The following SLCO2B1 variants were observed in gnomAD, a reference collection of about 807,000 sequenced individuals.
SLCO2B1 encodes OATP-RP2.
A neutral mutation model predicts 67.3 loss-of-function variants in SLCO2B1; 41 were observed. That is an observed-to-expected ratio of 0.61 (90% CI 0.47 to 0.79). SLCO2B1 has a LOEUF of 0.79. SLCO2B1 is among the 30% of genes least tolerant of loss of function. The pLI is 0.00. For missense variants in SLCO2B1, 837 were observed against 920.1 expected, an observed-to-expected ratio of 0.91 and a Z score of 1.17; for synonymous variants, 379 against 381.4, an observed-to-expected ratio of 0.99 and a Z score of 0.07.
intron 9 of SLCO2B1, chr11:75,196,306 G>C (rs538626532): frequency 3.5e-6 from 2 of 570,978 alleles, no homozygotes; most frequent in Non-Finnish European, 6.2e-6. Flanking sequence ...AAGGCTTGTA[G>C]GATTGAGGGG....
At chr11:75,203,145 G>C in intron 12 of SLCO2B1, 162 bp from the exon 13 acceptor site, 1 of 1,191,870 alleles carries the variant, frequency 8.4e-7, no homozygotes, top group Non-Finnish European at 1.2e-6. Context: ...AGTCTAGACA[G>C]CCCGTCAGGA....
At chr11:75,182,900 A>G (rs1361800365) in intron 7 of SLCO2B1, among the ~76,000 whole-genome samples, 1 of 151,926 alleles carries the variant, frequency 6.6e-6, no homozygotes, top group Non-Finnish European at 1.5e-5. Flanking sequence ...TTGGGAAGTG[A>G]TCAGTCTGTC....
intron 2 of SLCO2B1, chr11:75,163,006 G>C (rs1339919582): frequency 8.4e-6 from 4 of 475,692 alleles, no homozygotes; most frequent in Non-Finnish European, 1.5e-5. Flanking sequence ...GAGAGGAAAG[G>C]GGTGTTCTTG....
chr11:75,154,014 C>T (rs1046130756), intron 1 of SLCO2B1, among the ~76,000 whole-genome samples: 5 of 151,188 alleles, frequency 3.3e-5, no homozygotes, highest in African/African-American at 4.9e-5. Context: ...CAACCTCTAC[C>T]TCCCGGGTTC....
intron 8 of SLCO2B1, among the ~76,000 whole-genome samples, 184 bp downstream of exon 8, chr11:75,188,422 T>C (rs1327114968): frequency 1.3e-5 from 2 of 152,184 alleles, no homozygotes; most frequent in Non-Finnish European, 2.9e-5. Context: ...CATTTTTTAT[T>C]GCTTTCAAAA....
chr11:75,203,406 A>C lies in SLCO2B1; in HGVS notation c.1928A>C (p.Asn643Thr). The C allele has an allele frequency of 1.2e-6, 2 of 1,614,148 alleles. No individual in the cohort carries two copies. The highest frequency in any genetic ancestry group is 1.7e-6 in the Non-Finnish European group (2 of 1,180,006). ...CGRRAVCRYY[N>T]NDLLRNRFIG... ...CGTCGAGCTGTCTGTCGCTACTACA[A>C]TAATGACCTGCTCCGAAACCGGTGA... The change falls in exon 13 of 14, where the codon AAT (asparagine) becomes ACT (threonine). Residue 643 changes from asparagine (N) to threonine (T), a missense_variant. Physicochemically the swap from Asn to Thr is moderately conservative, Grantham distance 65 (BLOSUM62 0). Transcript: ENST00000289575.
At chr11:75,202,755 C>A in intron 11 of SLCO2B1, 146 bp from the exon 12 acceptor site, 1 of 732,530 alleles carries the variant, frequency 1.4e-6, no homozygotes, top group Non-Finnish European at 2.4e-6. Context: ...CGTCCCTGAG[C>A]CCCCAGCCTA....
rs200134899 is a variant in SLCO2B1 at position 75,193,254 on chromosome 11, C to G, written c.1112C>G (p.Pro371Arg). The G allele has an allele frequency of 4.3e-6, 7 of 1,613,554 alleles. No homozygotes were observed. The Admixed American group carries it at 5.0e-5, about 12-fold the overall frequency. ...GTGCTGCTGCAGACCCTACGCCACCCCATCTTCCTGCTGGTGGTCCTGTCC... is the reference window on the plus strand; with the variant it reads ...GTGCTGCTGCAGACCCTACGCCACCGCATCTTCCTGCTGGTGGTCCTGTCC... The part of the protein sequence containing the change: ...PRVLLQTLRH[P>R]IFLLVVLSQV... Residue 371 changes from proline to arginine, a missense_variant, in exon 9 of 14, where the codon CCC becomes CGC. By Grantham distance (103) the Pro-to-Arg change is moderately radical. Transcript: ENST00000289575. The surrounding 1 kb of genome is among the most constrained non-coding windows in gnomAD (Gnocchi z 4.2).
At chr11:75,177,538 G>C (rs187334338) in intron 7 of SLCO2B1, among the ~76,000 whole-genome samples, 229 of 152,334 alleles carry the variant, frequency 1.5e-3, no homozygotes, top group African/African-American at 5.0e-3. Context: ...GACCCGGAGT[G>C]AGCAAACAAG....
At chr11:75,171,729 G>A (rs1424430888) in intron 6 of SLCO2B1, among the ~76,000 whole-genome samples, 1 of 152,086 alleles carries the variant, frequency 6.6e-6, no homozygotes, top group Non-Finnish European at 1.5e-5. Flanking sequence ...AATCATCTGG[G>A]GAACTTGTTA....
In SLCO2B1 at chr11:75,204,996, TC is replaced by T. The variant is rs1486126954; in HGVS notation, c.*418del. 2 of 154,962 alleles carry T rather than the reference TC, an allele frequency of 1.3e-5. No individual in the cohort carries two copies. Among genetic ancestry groups the T allele is most frequent in the African/African-American group, 4.8e-5 (2 of 41,546 alleles). 9.6% of individuals were successfully genotyped at this position (154,962 alleles called of 1,614,324 possible). A position where few individuals can be genotyped will look rare whatever the true frequency, so the allele number is the denominator to read the frequency against. Reference sequence around the variant, plus strand: ...TCACCTTCTTTGAGCCTTAGCCATCTCCTGTCAGGTAGGAATGAACTTGCCA... The same window carrying T: ...TCACCTTCTTTGAGCCTTAGCCATCTCTGTCAGGTAGGAATGAACTTGCCA... On this transcript the variant is annotated 3_prime_UTR_variant, in exon 14 of 14. Coordinates refer to ENST00000289575, the MANE Select transcript of SLCO2B1 (RefSeq NM_007256.5).
intron 5 of SLCO2B1, 102 bp from the exon 6 acceptor site, chr11:75,169,564 C>A: frequency 4.9e-6 from 6 of 1,222,576 alleles, no homozygotes; most frequent in Non-Finnish European, 7.0e-6. Flanking sequence ...CCATCCCTGA[C>A]CAGGGGAGAC....
chr11:75,166,717 G>A (rs1219804757), intron 4 of SLCO2B1, among the ~76,000 whole-genome samples: 1 of 152,222 alleles, frequency 6.6e-6, no homozygotes, highest in Non-Finnish European at 1.5e-5. Flanking sequence ...TCGTGCCTGA[G>A]CCTCTCAGGG....
intron 9 of SLCO2B1, among the ~76,000 whole-genome samples, chr11:75,194,316 T>C (rs1304085415): frequency 6.6e-6 from 1 of 152,170 alleles, no homozygotes; most frequent in Admixed American, 6.5e-5. Context: ...CCAGAATGAT[T>C]TCATTTTTCC....
intron 8 of SLCO2B1, among the ~76,000 whole-genome samples, chr11:75,189,962 GAA>G (rs561790970): frequency 5.0e-4 from 57 of 113,034 alleles, no homozygotes; most frequent in African/African-American, 1.2e-3. Flanking sequence ...ACCCTGTCTG[GAA>G]AAAAAAAAAA....
intron 10 of SLCO2B1, among the ~76,000 whole-genome samples, chr11:75,197,820 T>C (rs2140342592): frequency 6.6e-6 from 1 of 152,252 alleles, no homozygotes; most frequent in South Asian, 2.1e-4. Flanking sequence ...ATGAAGGCAA[T>C]GTAATCAGCA....
At chr11:75,181,098 G>A (rs994616076) in intron 7 of SLCO2B1, among the ~76,000 whole-genome samples, 6 of 152,248 alleles carry the variant, frequency 3.9e-5, no homozygotes, top group African/African-American at 7.2e-5. Context: ...GCCGGTTGCC[G>A]TGGCTCACAC....
At chr11:75,175,766 G>C (rs186766335) in intron 7 of SLCO2B1, among the ~76,000 whole-genome samples, 14 of 152,122 alleles carry the variant, frequency 9.2e-5, no homozygotes, top group Non-Finnish European at 1.8e-4. Context: ...CCCCTGCCCC[G>C]AGGAGGTCTG....
intron 3 of SLCO2B1, among the ~76,000 whole-genome samples, chr11:75,165,581 T>C (rs946853607): frequency 2.0e-5 from 3 of 152,236 alleles, no homozygotes; most frequent in African/African-American, 7.2e-5. Context: ...ATTGAACTCC[T>C]AGCTTTCTCC....
Sources: allele counts gnomAD v4.1 joint callset (sites outside exome capture counted in the v4.1 genomes callset), GRCh38; gene constraint gnomAD v4.1.1; non-coding constraint Gnocchi (gnomAD v3.1); transcripts MANE v1.5; gene names NCBI Gene and HGNC (gene_info 2026-07-23, HGNC 2026-07-21).